Variants in AFTPH observed in about 807,000 individuals in gnomAD.
AFTPH encodes aftiphilin protein.
A neutral mutation model predicts 72.5 loss-of-function variants in AFTPH; 7 were observed. The observed-to-expected ratio is 0.10, with a 90% CI of 0.05 to 0.18. The LOEUF is 0.18. Among genes scored for constraint, AFTPH ranks in the 10% least tolerant of loss-of-function variants. AFTPH has a pLI of 1.00. For missense variants in AFTPH, 979 were observed against 1,060.5 expected (o/e 0.92, Z 1.07); for synonymous variants, 337 against 370.1 (o/e 0.91, Z 1.03).
chr2:64,572,836 TCAGTAC>T, intron 5 of AFTPH, 104 bp from the exon 6 acceptor site: 3 of 1,424,556 alleles, frequency 2.1e-6, no homozygotes, highest in Non-Finnish European at 9.5e-7. Context: ...CTTTTTGTCT[TCAGTAC>T]TTTCCAAGTG....
intron 2 of AFTPH, among the ~76,000 whole-genome samples, chr2:64,566,565 T>G (rs1672103539): frequency 6.6e-6 from 1 of 152,192 alleles, no homozygotes; most frequent in Non-Finnish European, 1.5e-5. Flanking sequence ...AACTTAATCT[T>G]ACAACAGGCT....
chr2:64,540,757 C>T (rs1182974112), intron 1 of AFTPH, among the ~76,000 whole-genome samples: 1 of 152,020 alleles, frequency 6.6e-6, no homozygotes, highest in Non-Finnish European at 1.5e-5. Flanking sequence ...TGATCAACTT[C>T]AGTATAAAGG....
chr2:64,559,337 T>G (rs1671577967), intron 2 of AFTPH, among the ~76,000 whole-genome samples: 1 of 151,946 alleles, frequency 6.6e-6, no homozygotes, highest in South Asian at 2.1e-4. Context: ...AGAGAGAGAT[T>G]GATTATTGGA....
intron 1 of AFTPH, among the ~76,000 whole-genome samples, chr2:64,525,717 A>G (rs115551273): frequency 6.6e-6 from 1 of 152,338 alleles, no homozygotes; most frequent in African/African-American, 2.4e-5. Flanking sequence ...ATGTTTCAAC[A>G]TTATTATGTT....
chr2:64,590,201 T>C (rs546644535), intron 8 of AFTPH, among the ~76,000 whole-genome samples: 98 of 152,338 alleles, frequency 6.4e-4, no homozygotes, highest in African/African-American at 2.0e-3. Context: ...TCATTCCTTC[T>C]GTTTTCTTAT....
intron 7 of AFTPH, among the ~76,000 whole-genome samples, 200 bp from the exon 9 acceptor site, chr2:64,585,222 T>G (rs1673437499): frequency 6.6e-6 from 1 of 152,246 alleles, no homozygotes; most frequent in African/African-American, 2.4e-5. Context: ...ATTTGAAAAG[T>G]CTTTTCCTGT....
chr2:64,572,530 C>T lies in AFTPH; in HGVS notation c.2272-416C>T. ...GAGGTTAGATGTGACATATTGTTGTCTCCCCCCACCCATCCCGAGTTGGTG... is the reference window on the plus strand; with the variant it reads ...GAGGTTAGATGTGACATATTGTTGTTTCCCCCCACCCATCCCGAGTTGGTG... On this transcript the variant is annotated intron_variant, in intron 5 of 8. Transcript: ENST00000238856. Among the ~76,000 whole-genome samples, 2 of 152,160 alleles carry T rather than the reference C, an allele frequency of 1.3e-5. 1 individual carries two copies. Among genetic ancestry groups the T allele is most frequent in the Non-Finnish European group, 2.9e-5 (2 of 68,028 alleles).
rs1445233538 is a variant in AFTPH at position 64,563,458 on chromosome 2, CTGTT to C, written c.1936-4101_1936-4098del. ...TAAAAAATTAGTGTCTGATCACAAT[CTGTT>C]TGGGAAAATCTATTTCCTGAAAAAA... On this transcript the variant is annotated intron_variant, in intron 2 of 8. Coordinates refer to ENST00000238856, the Ensembl canonical transcript of AFTPH. Among the ~76,000 whole-genome samples the C allele has an allele frequency of 9.9e-5, 15 of 152,214 alleles. No homozygotes were observed. The East Asian group carries it at 1.4e-3, about 14-fold the overall frequency.
chr2:64,566,932 A>G (rs1672122379), intron 2 of AFTPH, among the ~76,000 whole-genome samples: 1 of 152,230 alleles, frequency 6.6e-6, no homozygotes, highest in Non-Finnish European at 1.5e-5. Flanking sequence ...AAGATAATGC[A>G]TATCACCAAA....
chr2:64,567,871 T>A (rs1341334484), intron 3 of AFTPH, among the ~76,000 whole-genome samples, 158 bp downstream of exon 3: 2 of 150,164 alleles, frequency 1.3e-5, no homozygotes, highest in Admixed American at 1.3e-4. Flanking sequence ...TGAAACCCTG[T>A]CTCTACTAAA....
At chr2:64,569,257 C>G in intron 4 of AFTPH, 39 bp downstream of exon 4, 1 of 1,573,132 alleles carries the variant, frequency 6.4e-7, no homozygotes, top group Non-Finnish European at 8.6e-7. Flanking sequence ...TTTAATCAAC[C>G]TGTGGATGTT....
At chr2:64,591,984 C>G in exon 9 of AFTPH, 1 of 1,613,904 alleles carries the variant, frequency 6.2e-7, no homozygotes, top group Non-Finnish European at 8.5e-7. Flanking sequence ...TGTTGATGTT[C>G]CCAGCCACGT....
At chr2:64,563,668 T>C (rs1446208092) in intron 2 of AFTPH, among the ~76,000 whole-genome samples, 2 of 152,214 alleles carry the variant, frequency 1.3e-5, no homozygotes, top group African/African-American at 2.4e-5. Context: ...GTACTCTTTT[T>C]GAGATGGAGT....
At chr2:64,592,438 T>G (rs1438133020) in exon 9 of AFTPH, 1 of 153,592 alleles carries the variant, frequency 6.5e-6, no homozygotes, top group African/African-American at 2.4e-5. Flanking sequence ...TTTTTCATAT[T>G]ACATGTCAAA....
chr2:64,562,854 G>T (rs1671822837), intron 2 of AFTPH, among the ~76,000 whole-genome samples: 1 of 152,134 alleles, frequency 6.6e-6, no homozygotes, highest in Admixed American at 6.5e-5. Context: ...GATATTGTTT[G>T]CTTTACTTAT....
chr2:64,551,726 T>C (rs1339619239), exon 2 of AFTPH: 2 of 1,613,594 alleles, frequency 1.2e-6, no homozygotes, highest in Non-Finnish European at 1.7e-6. Flanking sequence ...TTAAGTCCAT[T>C]AAAAATGGTA....
chr2:64,571,693 T>A (rs533150931), intron 5 of AFTPH, among the ~76,000 whole-genome samples: 1 of 152,334 alleles, frequency 6.6e-6, no homozygotes, highest in East Asian at 1.9e-4. Flanking sequence ...TTTGAGGTTT[T>A]GTTTTTGTTT....
intron 6 of AFTPH, among the ~76,000 whole-genome samples, chr2:64,574,765 A>G (rs1212662263): frequency 3.3e-5 from 5 of 152,230 alleles, no homozygotes; most frequent in South Asian, 2.1e-4. Flanking sequence ...CTTGGGCAGA[A>G]TGTCTCCGTA....
At chr2:64,585,596 G>A (rs1442731787) in intron 8 of AFTPH, 51 bp downstream of exon 9, 9 of 1,549,636 alleles carry the variant, frequency 5.8e-6, no homozygotes, top group Non-Finnish European at 6.9e-6. Flanking sequence ...GAGATAAAAC[G>A]ACCCAAAGGA....
Sources: allele counts gnomAD v4.1 joint callset (sites outside exome capture counted in the v4.1 genomes callset), GRCh38; gene constraint gnomAD v4.1.1; transcripts MANE v1.5; gene names NCBI Gene and HGNC (gene_info 2026-07-23, HGNC 2026-07-21).